PSD3: variants seen among roughly 807,000 people sequenced by gnomAD.
PSD3 encodes pleckstrin and Sec7 domain containing 3, also known as PH and SEC7 domain-containing protein 3.
In PSD3, 49 loss-of-function variants were observed where a neutral mutation model predicts 105.5. The ratio of observed to expected loss-of-function variants is 0.46; its 90% CI spans 0.37 to 0.59. PSD3 has a LOEUF of 0.59. PSD3 is among the 20% of genes least tolerant of loss of function. PSD3 has a pLI of 0.00. For synonymous variants in PSD3, 557 were observed against 457.8 expected (o/e 1.22, Z -2.77); for missense variants, 1,561 against 1,263.8 (o/e 1.24, Z -3.57).
chr8:18,623,136 T>G (rs1280798095), intron 11 of PSD3, among the ~76,000 whole-genome samples: 2 of 152,134 alleles, frequency 1.3e-5, no homozygotes, highest in African/African-American at 4.8e-5. Context: ...CCTCCTGCCT[T>G]GGCCTTCCAA....
At chr8:18,860,809 T>A (rs879370323) in intron 4 of PSD3, among the ~76,000 whole-genome samples, 1 of 152,224 alleles carries the variant, frequency 6.6e-6, no homozygotes, top group Non-Finnish European at 1.5e-5. Flanking sequence ...TATTGCTGTA[T>A]CATCTCGATC....
chr8:18,687,115 T>C (rs906465835), intron 9 of PSD3, among the ~76,000 whole-genome samples: 1 of 152,130 alleles, frequency 6.6e-6, no homozygotes, highest in African/African-American at 2.4e-5. Context: ...AGGAACTACT[T>C]TAAATATACA....
At position 18,804,419 on chromosome 8, in the gene PSD3, G is replaced by GT. The variant is rs1423623662; in HGVS notation, c.1910+102dup. The GT allele has an allele frequency of 1.8e-5, 16 of 887,176 alleles. No individual in the cohort carries two copies. In the East Asian group the frequency reaches 4.3e-4, roughly 24 times the overall value. 55.0% of individuals were successfully genotyped at this position (887,176 alleles called of 1,614,324 possible). A position where few individuals can be genotyped will look rare whatever the true frequency, so the allele number is the denominator to read the frequency against. On this transcript the variant is annotated intron_variant, in intron 6 of 15. Transcript: ENST00000327040. ...AGGAATACTCCACCTATACATGGAG[G>GT]TTTAAAAAAAAAAAATAAGATTCTA... is the stretch of plus-strand genomic sequence containing the variant.
chr8:18,623,524 C>G lies in PSD3; in HGVS notation c.2410+9089G>C, dbSNP rs11987154. Among the ~76,000 whole-genome samples the G allele has an allele frequency of 6.0e-3, 890 of 149,392 alleles. 13 individuals are homozygous for G. Among genetic ancestry groups the G allele is most frequent in the African/African-American group, 0.021 (839 of 40,640 alleles). ...GCATGGTGGTATATGCCTGTAGTCC[C>G]AGCTATCTGGGTGGCTGAGGTGGGA... is the stretch of plus-strand genomic sequence containing the variant. On this transcript the variant is annotated intron_variant, in intron 11 of 15. Transcript: ENST00000327040.
intron 4 of PSD3, among the ~76,000 whole-genome samples, chr8:18,831,474 C>T (rs1379995291): frequency 1.3e-5 from 2 of 152,214 alleles, no homozygotes; most frequent in African/African-American, 4.8e-5. Flanking sequence ...GTAATCCCAG[C>T]ACTTTGGGAG....
At chr8:18,574,752 A>C (rs1229961631) in intron 13 of PSD3, among the ~76,000 whole-genome samples, 1 of 152,190 alleles carries the variant, frequency 6.6e-6, no homozygotes, top group Non-Finnish European at 1.5e-5. Context: ...TGACGAGCTG[A>C]GGTTCAGAGG....
rs563312510 is a variant in PSD3 at position 18,846,040 on chromosome 8, A to T, written c.1634+21634T>A. On this transcript the variant is annotated intron_variant, in intron 4 of 15. Coordinates refer to ENST00000327040, the MANE Select transcript of PSD3 (RefSeq NM_015310.4). ...GACTAGACTGGTATTCTTTGTAGAGATGGGATGTATATTAAATGCTTATCA... is the reference window on the plus strand; with the variant it reads ...GACTAGACTGGTATTCTTTGTAGAGTTGGGATGTATATTAAATGCTTATCA... 1.6e-4 allele frequency among the ~76,000 whole-genome samples: 24 copies of T among 152,248 alleles called. No homozygotes were observed. In the South Asian group the frequency reaches 5.0e-3, roughly 32 times the overall value.
At chr8:18,921,599 A>G (rs1052392772) in intron 2 of PSD3, among the ~76,000 whole-genome samples, 12 of 152,212 alleles carry the variant, frequency 7.9e-5, no homozygotes, top group African/African-American at 2.9e-4. Flanking sequence ...AAAAGAACAA[A>G]AAAATGGCAG....
intron 9 of PSD3, among the ~76,000 whole-genome samples, chr8:18,756,899 G>T (rs914426582): frequency 3.4e-5 from 5 of 148,588 alleles, no homozygotes; most frequent in Admixed American, 2.0e-4. Context: ...TTAGAGCCCA[G>T]CGACTTCCAT....
chr8:18,562,676 G>A (rs1426232665), intron 14 of PSD3, among the ~76,000 whole-genome samples: 1 of 152,128 alleles, frequency 6.6e-6, no homozygotes, highest in African/African-American at 2.4e-5. Flanking sequence ...ATCACTGAAG[G>A]TCAAGAGTTC....
intron 9 of PSD3, among the ~76,000 whole-genome samples, chr8:18,710,993 T>TAA (rs75093545): frequency 1.3e-5 from 2 of 151,702 alleles, no homozygotes; most frequent in African/African-American, 4.9e-5. Flanking sequence ...TCAACATTCT[T>TAA]AAAAAAAAGA....
chr8:18,644,704 T>G (rs1053909042), intron 10 of PSD3, among the ~76,000 whole-genome samples: 2 of 152,168 alleles, frequency 1.3e-5, no homozygotes, highest in Non-Finnish European at 2.9e-5. Flanking sequence ...ACTTCATAAC[T>G]GTCCCAGCTT....
At chr8:18,966,734 C>T (rs758110252) in intron 1 of PSD3, among the ~76,000 whole-genome samples, 4 of 152,118 alleles carry the variant, frequency 2.6e-5, no homozygotes, top group African/African-American at 4.8e-5. Flanking sequence ...GCAACGTTTC[C>T]GGACCAACGG....
chr8:18,780,852 C>T (rs1256185947), intron 8 of PSD3, among the ~76,000 whole-genome samples: 3 of 152,138 alleles, frequency 2.0e-5, no homozygotes, highest in Admixed American at 2.0e-4. Flanking sequence ...CCGCGCCTGG[C>T]CCAGAGTTTT....
chr8:18,753,227 C>T (rs978356502), intron 9 of PSD3, among the ~76,000 whole-genome samples: 22 of 151,760 alleles, frequency 1.4e-4, no homozygotes, highest in African/African-American at 4.8e-4. Flanking sequence ...TGGTAGCGTG[C>T]GCCTTAGTCC....
At chr8:18,681,467 AAGAAG>A (rs1800387414) in intron 9 of PSD3, among the ~76,000 whole-genome samples, 2 of 148,742 alleles carry the variant, frequency 1.3e-5, no homozygotes, top group Admixed American at 6.7e-5. Flanking sequence ...AAAAAAAAAA[AAGAAG>A]AGGAGGAAGA....
At chr8:18,693,183 G>A (rs1245227051) in intron 9 of PSD3, among the ~76,000 whole-genome samples, 1 of 152,154 alleles carries the variant, frequency 6.6e-6, no homozygotes, top group East Asian at 1.9e-4. Flanking sequence ...ACCCCTCAAT[G>A]AGTAGGGATT....
At chr8:18,746,959 G>A (rs1382734134) in intron 9 of PSD3, among the ~76,000 whole-genome samples, 2 of 152,218 alleles carry the variant, frequency 1.3e-5, no homozygotes, top group African/African-American at 4.8e-5. Context: ...TATTTTCTCA[G>A]CATGTTTGTG....
intron 1 of PSD3, among the ~76,000 whole-genome samples, chr8:18,956,250 A>G (rs1823566399): frequency 6.6e-6 from 1 of 152,194 alleles, no homozygotes; most frequent in South Asian, 2.1e-4. Flanking sequence ...AAGGCTGAGG[A>G]GAATGAAGTA....
Sources: gnomAD v4.1 joint callset for allele counts (sites outside exome capture counted in the v4.1 genomes callset) on GRCh38, gnomAD v4.1.1 for gene constraint, MANE v1.5 for transcripts, NCBI Gene and HGNC (gene_info 2026-07-23, HGNC 2026-07-21) for gene names.